Variants in VARS1 observed in about 807,000 individuals in gnomAD.
The protein encoded by VARS1 is valine--tRNA ligase.
In VARS1, 92 loss-of-function variants were observed where a neutral mutation model predicts 161.0. That is an observed-to-expected ratio of 0.57 (90% CI 0.48 to 0.68). The LOEUF is 0.68. Among genes scored for constraint, VARS1 ranks in the 30% least tolerant of loss-of-function variants. VARS1 has a pLI of 0.00. For synonymous variants in VARS1, 595 were observed against 682.5 expected, an observed-to-expected ratio of 0.87 and a Z score of 2.00; for missense variants, 1,338 against 1,695.9, an observed-to-expected ratio of 0.79 and a Z score of 3.71.
In VARS1 at chr6:31,787,062, C is replaced by CAA. The variant is rs70990276; in HGVS notation, c.1101-1331_1101-1330dup. 4.9e-3 allele frequency among the ~76,000 whole-genome samples: 344 copies of CAA among 70,730 alleles called. 2 individuals are homozygous for CAA. The highest frequency in any genetic ancestry group is 0.015 in the African/African-American group (268 of 18,334). 46.4% of individuals were successfully genotyped at this position (70,730 alleles called of 152,430 possible). A position where few individuals can be genotyped will look rare whatever the true frequency, so the allele number is the denominator to read the frequency against. On this transcript the variant is annotated intron_variant, in intron 8 of 29. Coordinates refer to ENST00000375663, the MANE Select transcript of VARS1 (RefSeq NM_006295.3). The stretch of plus-strand genomic sequence containing the variant: ...GCAACATAGTGAGACCTAGTCTCTG[C>CAA]AAAAAAAAAAAAAAAAAAGCCAGGC...
Position 31,780,637 on chromosome 6 carries a change from TGGA to T in VARS1, c.2797+65_2797+67del. 1.9e-6 allele frequency: 3 copies of T among 1,611,936 alleles called. No homozygotes were observed. The highest frequency in any genetic ancestry group is 2.5e-6 in the Non-Finnish European group (3 of 1,178,578). On this transcript the variant is annotated intron_variant, in intron 24 of 29. Transcript: ENST00000375663. The surrounding 1 kb of genome is among the most constrained non-coding windows in gnomAD (Gnocchi z 5.1). ...GCCCATGCCCACCAGAGGCTCAGGGTGGAGAAGAGGGATGGGCCTCACAGAAGG... is the reference window on the plus strand; with the variant it reads ...GCCCATGCCCACCAGAGGCTCAGGGTGAAGAGGGATGGGCCTCACAGAAGG...
chr6:31,781,724 G>C lies in VARS1; in HGVS notation c.2385C>G (p.Leu795=). Residue 795 remains leucine, a synonymous_variant, in exon 20 of 30, where the codon CTC becomes CTG. Transcript: ENST00000375663. The surrounding 1 kb of genome is among the most constrained non-coding windows in gnomAD (Gnocchi z 6.8). ...DVLDTWFSSG[L]FPLSILGWPN... ...GCCAGCCCAAAATGGATAAGGGGAAGAGGCCAGAGGAGAACCAGGTATCCA... is the reference window on the plus strand; with the variant it reads ...GCCAGCCCAAAATGGATAAGGGGAACAGGCCAGAGGAGAACCAGGTATCCA... 9 of 1,613,082 alleles carry C rather than the reference G, an allele frequency of 5.6e-6. No homozygotes were observed. Among genetic ancestry groups the C allele is most frequent in the Non-Finnish European group, 7.6e-6 (9 of 1,180,010 alleles).
At chr6:31,788,750 A>C (rs1201970962) in intron 8 of VARS1, among the ~76,000 whole-genome samples, 2 of 151,758 alleles carry the variant, frequency 1.3e-5, no homozygotes, top group Non-Finnish European at 1.5e-5. Flanking sequence ...CAGAGCTTGC[A>C]GTGAGCCAAG....
At position 31,795,252 on chromosome 6, in the gene VARS1, T is replaced by G; in HGVS notation, c.-33-2A>C. 1 of 1,387,244 alleles carries G rather than the reference T, an allele frequency of 7.2e-7. No homozygotes were observed. Among genetic ancestry groups the G allele is most frequent in the Non-Finnish European group, 9.4e-7 (1 of 1,067,726 alleles). 85.9% of individuals were successfully genotyped at this position (1,387,244 alleles called of 1,614,324 possible). ...AAGGTCCGAACGAAGTGGAAAAACC[T>G]AAGGAGAAAGAGAGACAGGGGAAGA... On this transcript the variant is annotated splice_acceptor_variant, in intron 1 of 29. Coordinates refer to ENST00000375663, the MANE Select transcript of VARS1 (RefSeq NM_006295.3). LOFTEE classifies it low-confidence loss of function (5UTR_SPLICE). This position sits in a 1 kb window ranked among gnomAD's most constrained non-coding sequence, Gnocchi z 6.9.
rs976007461 is a variant in VARS1 at position 31,795,695 on chromosome 6, C to A, written c.-183G>T. On this transcript the variant is annotated 5_prime_UTR_variant, in exon 1 of 30. Coordinates refer to ENST00000375663, the MANE Select transcript of VARS1 (RefSeq NM_006295.3). The surrounding 1 kb of genome is among the most constrained non-coding windows in gnomAD (Gnocchi z 6.9). ...TGACCCTAGTTCCCTAAGATCGCCG[C>A]CCCGGCAGCCGGCGCCCACGTGTTC... 1 of 152,944 alleles carries A rather than the reference C, an allele frequency of 6.5e-6. No homozygotes were observed. Among genetic ancestry groups the A allele is most frequent in the Non-Finnish European group, 1.5e-5 (1 of 68,614 alleles). 9.5% of individuals were successfully genotyped at this position (152,944 alleles called of 1,614,324 possible). A position where few individuals can be genotyped will look rare whatever the true frequency, so the allele number is the denominator to read the frequency against.
Position 31,792,375 on chromosome 6 carries a change from C to A in VARS1, c.786+17G>T. The A allele has an allele frequency of 6.2e-7, 1 of 1,614,018 alleles. No homozygotes were observed. The highest frequency in any genetic ancestry group is 1.1e-5 in the South Asian group (1 of 91,066). On this transcript the variant is annotated intron_variant, in intron 5 of 29. Transcript: ENST00000375663. ...CCGCACACATCAACTTTCCTTCCAG[C>A]TCCACCCTCGCCTCACCTCCCCTGG... is the stretch of plus-strand genomic sequence containing the variant.
At position 31,780,937 on chromosome 6, in the gene VARS1, C is replaced by T; in HGVS notation, c.2651G>A (p.Gly884Asp). 3.1e-6 allele frequency: 5 copies of T among 1,614,094 alleles called. No individual in the cohort carries two copies. Among genetic ancestry groups the T allele is most frequent in the Non-Finnish European group, 4.2e-6 (5 of 1,180,014 alleles). ...LDVIYGISLQ[G>D]LHNQLLNSNL... ...GCTGTTCAGCAGCTGGTTGTGGAGG[C>T]CCTGAGGGTGGAGTGGGAGCAGTCA... Residue 884 changes from glycine (G) to aspartate (D), a missense_variant and splice_region_variant, in exon 23 of 30, where the codon GGC becomes GAC. By Grantham distance (94) the Gly-to-Asp change is moderately conservative (BLOSUM62 -1). This residue lies in a region of VARS1 where 433 missense variants were observed against 586.2 expected (regional missense o/e 0.74). Coordinates refer to ENST00000375663, the MANE Select transcript of VARS1 (RefSeq NM_006295.3). This position sits in a 1 kb window ranked among gnomAD's most constrained non-coding sequence, Gnocchi z 5.1.
chr6:31,778,879 G>T lies in VARS1; in HGVS notation c.3726+88C>A. ...TGTAACTGGTTACGATCAATTAGTT[G>T]TCAACACCACTGCACTCGGACCAGC... On this transcript the variant is annotated intron_variant, in intron 29 of 29. Transcript: ENST00000375663. This position sits in a 1 kb window ranked among gnomAD's most constrained non-coding sequence, Gnocchi z 5.1. The T allele has an allele frequency of 1.3e-6, 2 of 1,529,390 alleles. No individual in the cohort carries two copies. The highest frequency in any genetic ancestry group is 1.8e-6 in the Non-Finnish European group (2 of 1,116,100). 94.7% of individuals were successfully genotyped at this position (1,529,390 alleles called of 1,614,324 possible).
At position 31,779,789 on chromosome 6, in the gene VARS1, C is replaced by A. The variant is rs753884532; in HGVS notation, c.3107G>T (p.Gly1036Val). The change falls in exon 27 of 30, where the codon GGG becomes GTG. Residue 1036 changes from glycine (G) to valine (V), a missense_variant. Gly to Val is a moderately radical substitution (Grantham distance 109). Transcript: ENST00000375663. This position sits in a 1 kb window ranked among gnomAD's most constrained non-coding sequence, Gnocchi z 9.1. Reference sequence around the variant, plus strand: ...ACACTCAGCTGCCACCTGGTCCACCCCATTCAGTACAGGTTTCAGGCACTC... The same window carrying A: ...ACACTCAGCTGCCACCTGGTCCACCACATTCAGTACAGGTTTCAGGCACTC... ...YLECLKPVLN[G>V]VDQVAAECAR... The A allele has an allele frequency of 2.5e-6, 4 of 1,612,994 alleles. No homozygotes were observed. In the African/African-American group the frequency reaches 5.3e-5, roughly 21 times the overall value.
chr6:31,780,215 C>A lies in VARS1; in HGVS notation c.2926-62G>T. The A allele has an allele frequency of 6.3e-7, 1 of 1,597,970 alleles. No individual in the cohort carries two copies. Among genetic ancestry groups the A allele is most frequent in the Non-Finnish European group, 8.5e-7 (1 of 1,174,206 alleles). ...GGAGGGTGCCAGAACCCCATGGGGG[C>A]AGGAGTCATGGGCAAATCTTCATCC... On this transcript the variant is annotated intron_variant, in intron 25 of 29. Transcript: ENST00000375663. This position sits in a 1 kb window ranked among gnomAD's most constrained non-coding sequence, Gnocchi z 5.1.
Position 31,780,363 on chromosome 6 carries a change from C to T in VARS1, c.2925+78G>A. ...CTGTCTCTGTGTCTATCTGTCCCCC[C>T]AGCTACATGGAGGCTGCTCCGGACA... On this transcript the variant is annotated intron_variant, in intron 25 of 29. Coordinates refer to ENST00000375663, the MANE Select transcript of VARS1 (RefSeq NM_006295.3). This position sits in a 1 kb window ranked among gnomAD's most constrained non-coding sequence, Gnocchi z 5.1. The T allele has an allele frequency of 6.4e-7, 1 of 1,563,644 alleles. No individual in the cohort carries two copies. Among genetic ancestry groups the T allele is most frequent in the South Asian group, 1.2e-5 (1 of 82,492 alleles).
chr6:31,792,991 G>C lies in VARS1; in HGVS notation c.517C>G (p.Arg173Gly). Residue 173 changes from arginine (R) to glycine (G), a missense_variant, in exon 3 of 30, where the codon CGA (arginine) becomes GGA (glycine). Physicochemically the swap from Arg to Gly is moderately radical, Grantham distance 125. Around this residue, in one of 3 missense-constraint regions of VARS1, gnomAD observed 902 missense variants for 1,090.3 expected, o/e 0.83. Transcript: ENST00000375663. ...AAVTALLLPF[R>G]YVLDPPARRI... ...CCCCAGGCCTGGTGACTCACGTATC[G>C]GAAAGGCAGCAGCAAGGCTGTGACA... 2 of 1,613,626 alleles carry C rather than the reference G, an allele frequency of 1.2e-6. No individual in the cohort carries two copies. The highest frequency in any genetic ancestry group is 8.5e-7 in the Non-Finnish European group (1 of 1,180,034).
At position 31,795,044 on chromosome 6, in the gene VARS1, C is replaced by G; in HGVS notation, c.174G>C (p.Pro58=). The change falls in exon 2 of 30, where the codon CCG becomes CCC. Residue 58 remains proline, a synonymous_variant. Coordinates refer to ENST00000375663, the MANE Select transcript of VARS1 (RefSeq NM_006295.3). This position sits in a 1 kb window ranked among gnomAD's most constrained non-coding sequence, Gnocchi z 6.9. ...SRTPFPPPRL[P]ALEQGPGGLW... The stretch of plus-strand genomic sequence containing the variant: ...GCCCACCGGGCCCCTGCTCCAGGGC[C>G]GGCAGGCGGGGTGGGGGAAAGGGAG... 6.5e-7 allele frequency: 1 copy of G among 1,548,172 alleles called. No individual in the cohort carries two copies. Among genetic ancestry groups the G allele is most frequent in the Non-Finnish European group, 8.8e-7 (1 of 1,142,568 alleles).
rs771173208 is a variant in VARS1, at chr6:31,780,146, C to T, written c.2933G>A (p.Gly978Asp). Residue 978 changes from glycine to aspartate, a missense_variant, in exon 26 of 30, where the codon GGC becomes GAC. This residue lies in a region of VARS1 where 433 missense variants were observed against 586.2 expected (regional missense o/e 0.74). Coordinates refer to ENST00000375663, the MANE Select transcript of VARS1 (RefSeq NM_006295.3). The surrounding 1 kb of genome is among the most constrained non-coding windows in gnomAD (Gnocchi z 5.1). ...FVPSPTSQPGGHESLVDRWIR... is the reference protein window; with the variant it reads ...FVPSPTSQPGDHESLVDRWIR... ...CCAGCGGTCCACCAGGCTCTCATGG[C>T]CTCCGGGCTTGGGGAGAGAGGGTGT... 6 of 1,613,598 alleles carry T rather than the reference C, an allele frequency of 3.7e-6. No individual in the cohort carries two copies. The highest frequency in any genetic ancestry group is 1.7e-5 in the Admixed American group (1 of 60,016).
chr6:31,792,611 TC>T, intron 4 of VARS1, 95 bp from the exon 5 acceptor site: 1 of 1,600,464 alleles, frequency 6.2e-7, no homozygotes, highest in Non-Finnish European at 8.5e-7. Flanking sequence ...ATGCCCGAGG[TC>T]TTGCCCATGC....
rs765048516 is a variant in VARS1, at chr6:31,781,445, C to G, written c.2544+36G>C. On this transcript the variant is annotated intron_variant, in intron 21 of 29. Coordinates refer to ENST00000375663, the MANE Select transcript of VARS1 (RefSeq NM_006295.3). This position sits in a 1 kb window ranked among gnomAD's most constrained non-coding sequence, Gnocchi z 6.8. ...CAGCACAGGACGGTAGGAGAGGAGG[C>G]TGGGGGCGATGGGAGGGTCTCGGCT... 1 of 1,605,652 alleles carries G rather than the reference C, an allele frequency of 6.2e-7. No homozygotes were observed. The highest frequency in any genetic ancestry group is 1.7e-5 in the Admixed American group (1 of 58,688).
At position 31,795,575 on chromosome 6, in the gene VARS1, A is replaced by C; in HGVS notation, c.-63T>G. On this transcript the variant is annotated 5_prime_UTR_variant, in exon 1 of 30. Coordinates refer to ENST00000375663, the MANE Select transcript of VARS1 (RefSeq NM_006295.3). The surrounding 1 kb of genome is among the most constrained non-coding windows in gnomAD (Gnocchi z 6.9). ...GGGAGATGGTCAGACTGGGCCGGGA[A>C]TCCACCTCACAGCCAGGCGCCGGCC... 1.0e-5 allele frequency: 2 copies of C among 193,686 alleles called. No homozygotes were observed. Among genetic ancestry groups the C allele is most frequent in the Non-Finnish European group, 2.1e-5 (2 of 95,368 alleles). The allele number at this position is 193,686 out of a possible 1,614,324, so 12.0% of individuals were successfully genotyped here. A position where few individuals can be genotyped will look rare whatever the true frequency, so the allele number is the denominator to read the frequency against.
chr6:31,788,269 A>C (rs776417185), intron 8 of VARS1, among the ~76,000 whole-genome samples: 1 of 152,154 alleles, frequency 6.6e-6, no homozygotes, highest in Non-Finnish European at 1.5e-5. Context: ...TGGGAGACCG[A>C]AGCGGGAGGA....
intron 6 of VARS1, 89 bp downstream of exon 6, chr6:31,792,128 A>G: frequency 6.5e-7 from 1 of 1,532,338 alleles, no homozygotes. Flanking sequence ...TTCCTCACCA[A>G]ACAAAGTGGT....
Sources: allele counts gnomAD v4.1 joint callset (sites outside exome capture counted in the v4.1 genomes callset), GRCh38; gene constraint gnomAD v4.1.1; regional missense constraint gnomAD v4.1.1; non-coding constraint Gnocchi (gnomAD v3.1); transcripts MANE v1.5; gene names NCBI Gene and HGNC (gene_info 2026-07-23, HGNC 2026-07-21).